GPR39: variants seen among roughly 807,000 people sequenced by gnomAD.
GPR39 encodes the protein G protein-coupled receptor 39.
In GPR39, 23 loss-of-function variants were observed where a neutral mutation model predicts 18.4. The observed-to-expected ratio is 1.25, with a 90% CI of 0.90 to 1.77. The LOEUF is 1.77. Ranked by LOEUF, GPR39 falls within the 40% of genes most tolerant of loss-of-function variation. GPR39 has a pLI of 0.00. For synonymous variants in GPR39, 280 were observed against 257.9 expected (o/e 1.09, Z -0.82); for missense variants, 647 against 602.4 (o/e 1.07, Z -0.78).
intron 1 of GPR39, among the ~76,000 whole-genome samples, chr2:132,540,935 C>G (rs1679850508): frequency 6.6e-6 from 1 of 151,764 alleles, no homozygotes; most frequent in Admixed American, 6.6e-5. Context: ...TACAGGTGGC[C>G]AACCCTCAGG....
At chr2:132,456,968 C>T (rs1188827896) in intron 1 of GPR39, among the ~76,000 whole-genome samples, 2 of 152,126 alleles carry the variant, frequency 1.3e-5, no homozygotes, top group African/African-American at 4.8e-5. Flanking sequence ...TGGGGTGGCT[C>T]TCCTCGAGGA....
At chr2:132,427,923 A>G (rs1015826007) in intron 1 of GPR39, among the ~76,000 whole-genome samples, 2 of 146,492 alleles carry the variant, frequency 1.4e-5, no homozygotes, top group African/African-American at 5.0e-5. Flanking sequence ...ATTTAAATAT[A>G]TATATTATAT....
chr2:132,546,702 C>G (rs1005842693), intron 1 of GPR39, among the ~76,000 whole-genome samples: 5 of 151,652 alleles, frequency 3.3e-5, no homozygotes, highest in African/African-American at 1.2e-4. Flanking sequence ...TCGGTCCAGC[C>G]CAGTCAGCTC....
At chr2:132,508,574 A>G (rs1253775495) in intron 1 of GPR39, among the ~76,000 whole-genome samples, 3 of 119,608 alleles carry the variant, frequency 2.5e-5, no homozygotes, top group Non-Finnish European at 4.0e-5. Context: ...AAACACCTCC[A>G]TGCATTGAAA....
intron 1 of GPR39, among the ~76,000 whole-genome samples, chr2:132,607,987 G>C (rs1192177159): frequency 6.6e-6 from 1 of 152,076 alleles, no homozygotes; most frequent in Non-Finnish European, 1.5e-5. Context: ...GCAATTCTCT[G>C]GTTTTGGGCC....
chr2:132,589,615 T>C (rs536348013), intron 1 of GPR39, among the ~76,000 whole-genome samples: 2 of 152,226 alleles, frequency 1.3e-5, no homozygotes, highest in Non-Finnish European at 1.5e-5. Context: ...GTGGCCTCTA[T>C]GCTTGGACAC....
intron 1 of GPR39, among the ~76,000 whole-genome samples, chr2:132,512,167 C>T (rs553937604): frequency 6.6e-6 from 1 of 152,208 alleles, no homozygotes; most frequent in African/African-American, 2.4e-5. Flanking sequence ...TTCATTCTTG[C>T]CTCTATGCTG....
At chr2:132,441,555 G>T (rs553464744) in intron 1 of GPR39, among the ~76,000 whole-genome samples, 33 of 152,150 alleles carry the variant, frequency 2.2e-4, no homozygotes, top group Non-Finnish European at 3.5e-4. Flanking sequence ...GCTGTGTGTG[G>T]GAAGTGGCAA....
At chr2:132,532,018 A>G (rs1679645946) in intron 1 of GPR39, among the ~76,000 whole-genome samples, 1 of 152,240 alleles carries the variant, frequency 6.6e-6, no homozygotes, top group Non-Finnish European at 1.5e-5. Flanking sequence ...ACTGAAGGAG[A>G]TAGAGACACA....
intron 1 of GPR39, among the ~76,000 whole-genome samples, chr2:132,441,391 TTTTG>T (rs1247216785): frequency 2.4e-3 from 194 of 81,514 alleles, no homozygotes; most frequent in African/African-American, 5.5e-3. Context: ...ATGCTTTTTT[TTTTG>T]TTGTTGTTGT....
chr2:132,514,390 G>C (rs1018874811), intron 1 of GPR39, among the ~76,000 whole-genome samples: 1 of 152,158 alleles, frequency 6.6e-6, no homozygotes, highest in African/African-American at 2.4e-5. Flanking sequence ...GGACCCCTTG[G>C]CCGGAGTTAT....
intron 1 of GPR39, among the ~76,000 whole-genome samples, chr2:132,515,318 C>T (rs1679312877): frequency 6.6e-6 from 1 of 152,188 alleles, no homozygotes; most frequent in African/African-American, 2.4e-5. Context: ...ATTGACTGAC[C>T]ATTTATCCAA....
chr2:132,495,314 G>A (rs1681619434), intron 1 of GPR39, among the ~76,000 whole-genome samples: 2 of 152,280 alleles, frequency 1.3e-5, no homozygotes, highest in South Asian at 4.1e-4. Flanking sequence ...TTTGGGGCAG[G>A]TGGCCAGAAA....
chr2:132,640,847 C>A (rs7587221), intron 1 of GPR39, among the ~76,000 whole-genome samples: 1 of 152,100 alleles, frequency 6.6e-6, no homozygotes, highest in Non-Finnish European at 1.5e-5. Flanking sequence ...TCATCTAGAA[C>A]AACAAACTTT....
At chr2:132,637,310 G>A (rs993892436) in intron 1 of GPR39, among the ~76,000 whole-genome samples, 2 of 152,226 alleles carry the variant, frequency 1.3e-5, no homozygotes, top group African/African-American at 4.8e-5. Flanking sequence ...GAATGAAATA[G>A]CTGTAATGCT....
At chr2:132,460,022 C>CA in intron 1 of GPR39, among the ~76,000 whole-genome samples, 1 of 152,178 alleles carries the variant, frequency 6.6e-6, no homozygotes, top group Non-Finnish European at 1.5e-5. Flanking sequence ...CAGTGACTCT[C>CA]ACAGGGTTTC....
chr2:132,505,287 C>T (rs1370834245), intron 1 of GPR39, among the ~76,000 whole-genome samples: 2 of 152,066 alleles, frequency 1.3e-5, no homozygotes, highest in Non-Finnish European at 2.9e-5. Flanking sequence ...AATATGTGTA[C>T]ATACTTATGG....
intron 1 of GPR39, among the ~76,000 whole-genome samples, chr2:132,429,396 A>G (rs1323143258): frequency 6.6e-6 from 1 of 152,222 alleles, no homozygotes; most frequent in African/African-American, 2.4e-5. Context: ...CTTTTAGGCT[A>G]CCCAGCAGCT....
At position 132,417,720 on chromosome 2, in the gene GPR39, C is replaced by G. The variant is rs762980094; in HGVS notation, c.678C>G (p.Gly226=). 3 of 1,614,188 alleles carry G rather than the reference C, an allele frequency of 1.9e-6. No homozygotes were observed. Among genetic ancestry groups the G allele is most frequent in the Non-Finnish European group, 1.7e-6 (2 of 1,180,034 alleles). ...RWTVFQSSIF[G]AFVVYLVVLL... is the part of the protein sequence containing the mutation. ...CCGTGTTCCAGTCCAGCATCTTCGG[C>G]GCCTTCGTGGTCTACCTCGTGGTCC... The change falls in exon 1 of 2, where the codon GGC becomes GGG. Residue 226 remains glycine (G), a synonymous_variant. Transcript: ENST00000329321.
Sources: allele counts gnomAD v4.1 joint callset (sites outside exome capture counted in the v4.1 genomes callset), GRCh38; gene constraint gnomAD v4.1.1; transcripts MANE v1.5; gene names NCBI Gene and HGNC (gene_info 2026-07-23, HGNC 2026-07-21).